The following SLC24A2 variants were observed in gnomAD, a reference collection of about 807,000 sequenced individuals.
SLC24A2 encodes sodium/potassium/calcium exchanger 2.
Under a neutral mutation model 62.0 loss-of-function variants are expected in SLC24A2, and 36 were observed. The ratio of observed to expected loss-of-function variants is 0.58; its 90% CI spans 0.44 to 0.77. The LOEUF (loss-of-function observed/expected upper bound fraction) is 0.77, where lower values mean the gene tolerates loss of function less well. Among genes scored for constraint, SLC24A2 ranks in the 30% least tolerant of loss-of-function variants. SLC24A2 has a pLI of 0.00. For synonymous variants in SLC24A2, 358 were observed against 294.0 expected, an observed-to-expected ratio of 1.22 and a Z score of -2.23; for missense variants, 846 against 817.9, an observed-to-expected ratio of 1.03 and a Z score of -0.42.
the SLC24A2 span, among the ~76,000 whole-genome samples, chr9:20,052,137 T>C: frequency 6.6e-6 from 1 of 152,214 alleles, no homozygotes; most frequent in African/African-American, 2.4e-5. Context: ...CCCAAATTTA[T>C]ATATTTAATT....
chr9:19,647,130 G>A (rs1190279661), intron 2 of SLC24A2, among the ~76,000 whole-genome samples: 1 of 149,782 alleles, frequency 6.7e-6, no homozygotes. Flanking sequence ...TGTACTGTAG[G>A]AGGGTTCATA....
At chr9:19,697,122 A>G (rs1030189193) in intron 2 of SLC24A2, among the ~76,000 whole-genome samples, 5 of 152,186 alleles carry the variant, frequency 3.3e-5, no homozygotes, top group African/African-American at 1.2e-4. Context: ...AAAAAATAAC[A>G]TGTTAGTCAA....
chr9:19,947,825 A>AAAGAAAGAAAGAAAGAAAGT, the SLC24A2 span, among the ~76,000 whole-genome samples: 1 of 92,786 alleles, frequency 1.1e-5, no homozygotes, highest in Non-Finnish European at 2.8e-5. Context: ...AGAAAGAAAG[A>AAAGAAAGAAAGAAAGAAAGT]AAGAAAGAAA....
intron 5 of SLC24A2, among the ~76,000 whole-genome samples, chr9:19,580,173 A>C (rs1421543552): frequency 6.6e-6 from 1 of 152,046 alleles, no homozygotes; most frequent in African/African-American, 2.4e-5. Context: ...TTCTCCACAG[A>C]CCTCTTCAAC....
chr9:20,188,792 A>G, the SLC24A2 span, among the ~76,000 whole-genome samples: 1 of 152,220 alleles, frequency 6.6e-6, no homozygotes, highest in Non-Finnish European at 1.5e-5. Context: ...AGAGCTGCCT[A>G]AAGGAACGAG....
At chr9:19,856,805 G>T in the SLC24A2 span, among the ~76,000 whole-genome samples, 1 of 152,176 alleles carries the variant, frequency 6.6e-6, no homozygotes, top group Non-Finnish European at 1.5e-5. Flanking sequence ...AAGCGCTCTG[G>T]CTGCCCCATG....
At chr9:20,019,155 A>AGAG in the SLC24A2 span, among the ~76,000 whole-genome samples, 5,733 of 116,932 alleles carry the variant, frequency 0.049, 561 homozygotes, top group Non-Finnish European at 0.075. Flanking sequence ...GAAAGAAAGA[A>AGAG]AGAGAGAGAG....
At chr9:20,202,583 G>C in the SLC24A2 span, among the ~76,000 whole-genome samples, 1 of 152,094 alleles carries the variant, frequency 6.6e-6, no homozygotes, top group African/African-American at 2.4e-5. Context: ...CCTACAAATA[G>C]AAAGACAAAA....
chr9:19,546,056 C>T (rs138165843), intron 8 of SLC24A2, among the ~76,000 whole-genome samples: 36 of 152,334 alleles, frequency 2.4e-4, no homozygotes, highest in African/African-American at 7.0e-4. Context: ...AAGACTGCTG[C>T]GTGTTGTTTC....
chr9:20,265,529 C>T, the SLC24A2 span, among the ~76,000 whole-genome samples: 1 of 152,206 alleles, frequency 6.6e-6, no homozygotes, highest in East Asian at 1.9e-4. Flanking sequence ...CTTGTGATTT[C>T]CTAGGCCTGT....
chr9:19,970,827 A>G, the SLC24A2 span, among the ~76,000 whole-genome samples: 1 of 152,344 alleles, frequency 6.6e-6, no homozygotes, highest in South Asian at 2.1e-4. Flanking sequence ...TATATATTCA[A>G]TAACACCTTG....
intron 2 of SLC24A2, among the ~76,000 whole-genome samples, chr9:19,652,055 G>A (rs1818816223): frequency 1.3e-5 from 2 of 152,132 alleles, no homozygotes; most frequent in African/African-American, 4.8e-5. Flanking sequence ...ATTATACTAA[G>A]TGTTCTGCAT....
chr9:20,181,328 G>A, the SLC24A2 span, among the ~76,000 whole-genome samples: 3 of 151,940 alleles, frequency 2.0e-5, no homozygotes, highest in Non-Finnish European at 2.9e-5. Context: ...AAGTCCACCA[G>A]CACTGTCATC....
At chr9:20,217,347 G>A in the SLC24A2 span, among the ~76,000 whole-genome samples, 5 of 152,198 alleles carry the variant, frequency 3.3e-5, no homozygotes, top group Admixed American at 2.0e-4. Context: ...TACAAGGAGG[G>A]TAGTGGCACT....
intron 2 of SLC24A2, among the ~76,000 whole-genome samples, chr9:19,701,931 A>G (rs1820367098): frequency 6.6e-6 from 1 of 152,016 alleles, no homozygotes; most frequent in African/African-American, 2.4e-5. Flanking sequence ...ATACTCCAAG[A>G]CTAGCAGTAG....
chr9:19,706,088 A>C (rs201608017), intron 2 of SLC24A2, among the ~76,000 whole-genome samples: 43 of 152,128 alleles, frequency 2.8e-4, no homozygotes, highest in African/African-American at 8.9e-4. Flanking sequence ...GTAGGTCACT[A>C]AGGACTTGCT....
intron 2 of SLC24A2, among the ~76,000 whole-genome samples, chr9:19,629,954 A>G (rs1395223978): frequency 6.6e-6 from 1 of 152,230 alleles, no homozygotes; most frequent in Non-Finnish European, 1.5e-5. Flanking sequence ...TATATGGCCA[A>G]GGATTCTTCT....
chr9:20,095,874 A>T, the SLC24A2 span, among the ~76,000 whole-genome samples: 1 of 152,176 alleles, frequency 6.6e-6, no homozygotes, highest in Non-Finnish European at 1.5e-5. Context: ...GAGAATTGAG[A>T]ATCGAGCAAA....
chr9:20,171,161 C>T, the SLC24A2 span, among the ~76,000 whole-genome samples: 1 of 151,930 alleles, frequency 6.6e-6, no homozygotes, highest in African/African-American at 2.4e-5. Context: ...TTCAGACAAA[C>T]AAATGCTGAG....
Sources: gnomAD v4.1 joint callset for allele counts (sites outside exome capture counted in the v4.1 genomes callset) on GRCh38, gnomAD v4.1.1 for gene constraint, MANE v1.5 for transcripts, NCBI Gene and HGNC (gene_info 2026-07-23, HGNC 2026-07-21) for gene names.